PLCL1: variants seen among roughly 807,000 people sequenced by gnomAD.
PLCL1 encodes the protein phospholipase C like 1 (inactive).
PLCL1 carries 41 observed loss-of-function variants against 84.4 expected under a neutral mutation model. The ratio of observed to expected loss-of-function variants is 0.49; its 90% CI spans 0.38 to 0.63. PLCL1 has a LOEUF of 0.63. Ranked by LOEUF, PLCL1 falls within the 30% of genes least tolerant of loss-of-function variation. The probability of loss-of-function intolerance (pLI) is 0.00; values close to 1 mark genes in which losing one functional copy is unlikely to be tolerated. For missense variants in PLCL1, 1,206 were observed against 1,367.8 expected, an observed-to-expected ratio of 0.88 and a Z score of 1.87; for synonymous variants, 490 against 488.3, an observed-to-expected ratio of 1.00 and a Z score of -0.05.
chr2:198,086,836 A>C (rs866754717), intron 2 of PLCL1, among the ~76,000 whole-genome samples: 1 of 152,240 alleles, frequency 6.6e-6, no homozygotes, highest in African/African-American at 2.4e-5. Flanking sequence ...AATGGGAACC[A>C]AGTAGAATAT....
intron 5 of PLCL1, among the ~76,000 whole-genome samples, chr2:198,137,918 T>C (rs1002005196): frequency 6.6e-6 from 1 of 152,112 alleles, no homozygotes; most frequent in African/African-American, 2.4e-5. Context: ...TCTCAATGGG[T>C]GCAGTACTGC....
At chr2:198,062,799 G>A (rs1282512187) in intron 1 of PLCL1, among the ~76,000 whole-genome samples, 1 of 152,122 alleles carries the variant, frequency 6.6e-6, no homozygotes, top group Non-Finnish European at 1.5e-5. Context: ...TGTAGAACCT[G>A]GGAATATACT....
chr2:198,088,693 TG>T (rs1448249288), intron 2 of PLCL1, among the ~76,000 whole-genome samples, 164 bp from the exon 3 acceptor site: 1 of 152,210 alleles, frequency 6.6e-6, no homozygotes, highest in Non-Finnish European at 1.5e-5. Flanking sequence ...TTTGCTTTCA[TG>T]GGTTGTTTGT....
chr2:197,849,480 A>G (rs1460883119), intron 1 of PLCL1, among the ~76,000 whole-genome samples: 1 of 152,170 alleles, frequency 6.6e-6, no homozygotes, highest in Non-Finnish European at 1.5e-5. Context: ...TGAATTTTAA[A>G]GGAAGATTTA....
intron 1 of PLCL1, among the ~76,000 whole-genome samples, chr2:197,986,620 A>G (rs1048520534): frequency 6.6e-6 from 1 of 152,144 alleles, no homozygotes; most frequent in African/African-American, 2.4e-5. Context: ...AAATGTTAAG[A>G]TTATAGGTGT....
intron 1 of PLCL1, among the ~76,000 whole-genome samples, chr2:198,003,160 AT>A (rs890239446): frequency 6.6e-6 from 1 of 152,142 alleles, no homozygotes. Flanking sequence ...AGCAATCACA[AT>A]TTTTTAACTA....
chr2:198,146,839 C>A lies in PLCL1; in HGVS notation c.3165C>A (p.Ile1055=). The stretch of plus-strand genomic sequence containing the variant: ...AAGCTATAGAAAACATGAAGCAGAT[C>A]CAGCTGGCATGCCTGTCCTGTGGAC... ...KNEAIENMKQ[I]QLACLSCGLS... The change falls in exon 6 of 6, where the codon ATC becomes ATA. Residue 1055 remains isoleucine, a synonymous_variant. Coordinates refer to ENST00000428675, the MANE Select transcript of PLCL1 (RefSeq NM_006226.4). 3.7e-6 allele frequency: 6 copies of A among 1,613,494 alleles called. No homozygotes were observed. The highest frequency in any genetic ancestry group is 5.1e-6 in the Non-Finnish European group (6 of 1,179,654).
intron 1 of PLCL1, among the ~76,000 whole-genome samples, chr2:197,901,616 A>G (rs922299699): frequency 2.0e-4 from 31 of 152,240 alleles, no homozygotes; most frequent in Non-Finnish European, 4.0e-4. Context: ...AGAAGGAAGG[A>G]TATTTCCAAC....
chr2:198,008,490 G>T (rs73058832), intron 1 of PLCL1, among the ~76,000 whole-genome samples: 27,556 of 151,270 alleles, frequency 0.18, 2,584 homozygotes, highest in East Asian at 0.26. Context: ...TTCACTTAAC[G>T]TAATGTCCTC....
intron 1 of PLCL1, among the ~76,000 whole-genome samples, chr2:197,855,088 T>C (rs545897106): frequency 1.3e-5 from 2 of 152,272 alleles, no homozygotes; most frequent in South Asian, 4.1e-4. Context: ...TCATAAATAT[T>C]CAAGTCAGTA....
At chr2:197,943,655 G>A (rs1396922608) in intron 1 of PLCL1, among the ~76,000 whole-genome samples, 2 of 39,322 alleles carry the variant, frequency 5.1e-5, no homozygotes, top group Non-Finnish European at 1.1e-4. Context: ...TTGTTACTTT[G>A]TTGTGACTAC....
chr2:197,978,828 A>T lies in PLCL1; in HGVS notation c.241-104930A>T, dbSNP rs368189214. On this transcript the variant is annotated intron_variant, in intron 1 of 5. Coordinates refer to ENST00000428675, the MANE Select transcript of PLCL1 (RefSeq NM_006226.4). The stretch of plus-strand genomic sequence containing the variant: ...CAGACTGGCACCATGCAGACACGCC[A>T]GTTCACCGAAGATGCACGTTTTTGG... Among the ~76,000 whole-genome samples the T allele has an allele frequency of 2.2e-4, 33 of 152,304 alleles. 1 individual carries two copies. The highest frequency in any genetic ancestry group is 7.5e-4 in the African/African-American group (31 of 41,566).
intron 1 of PLCL1, among the ~76,000 whole-genome samples, chr2:197,965,945 A>G (rs1689723474): frequency 6.6e-6 from 1 of 152,012 alleles, no homozygotes; most frequent in Non-Finnish European, 1.5e-5. Context: ...CTACCTGGCT[A>G]CCACTCTTGA....
chr2:197,927,313 A>G lies in PLCL1; in HGVS notation c.240+121974A>G, dbSNP rs570584102. Among the ~76,000 whole-genome samples the G allele has an allele frequency of 1.3e-3, 199 of 152,308 alleles. 2 individuals are homozygous for G. Among genetic ancestry groups the G allele is most frequent in the Non-Finnish European group, 2.3e-3 (158 of 68,026 alleles). ...GAATGGCATTCTACCATGTCATTTA[A>G]TGTTATTTAATTCTGTCTCCATTCA... On this transcript the variant is annotated intron_variant, in intron 1 of 5. Transcript: ENST00000428675.
chr2:197,946,703 G>T (rs1689280637), intron 1 of PLCL1, among the ~76,000 whole-genome samples: 1 of 152,128 alleles, frequency 6.6e-6, no homozygotes, highest in Non-Finnish European at 1.5e-5. Context: ...GAACGCTCCT[G>T]CAGGCTCCTT....
chr2:198,022,821 G>T (rs925825730), intron 1 of PLCL1, among the ~76,000 whole-genome samples: 1 of 152,142 alleles, frequency 6.6e-6, no homozygotes, highest in Non-Finnish European at 1.5e-5. Context: ...TGATCATACT[G>T]CCCAAAGTAA....
chr2:197,987,608 A>G (rs1432940838), intron 1 of PLCL1, among the ~76,000 whole-genome samples: 2 of 152,232 alleles, frequency 1.3e-5, no homozygotes, highest in African/African-American at 2.4e-5. Context: ...TCAATTAGGC[A>G]GCACCAAGAT....
At chr2:198,056,063 A>C (rs1454223127) in intron 1 of PLCL1, among the ~76,000 whole-genome samples, 1 of 152,202 alleles carries the variant, frequency 6.6e-6, no homozygotes, top group Non-Finnish European at 1.5e-5. Flanking sequence ...CTTCAAATTG[A>C]GAGGGAGTTA....
intron 1 of PLCL1, among the ~76,000 whole-genome samples, chr2:198,069,100 A>G (rs561344311): frequency 6.6e-6 from 1 of 151,924 alleles, no homozygotes; most frequent in South Asian, 2.1e-4. Context: ...AAACATAACT[A>G]CTCAAATTTC....
Sources: gnomAD v4.1 joint callset for allele counts (sites outside exome capture counted in the v4.1 genomes callset) on GRCh38, gnomAD v4.1.1 for gene constraint, MANE v1.5 for transcripts, NCBI Gene and HGNC (gene_info 2026-07-23, HGNC 2026-07-21) for gene names.